PTPRD: variants seen among roughly 807,000 people sequenced by gnomAD.
PTPRD encodes the protein protein tyrosine phosphatase receptor type D.
A neutral mutation model predicts 214.5 loss-of-function variants in PTPRD; 34 were observed. The ratio of observed to expected loss-of-function variants is 0.16; its 90% CI spans 0.12 to 0.21. The LOEUF (loss-of-function observed/expected upper bound fraction) is 0.21. Among genes scored for constraint, PTPRD ranks in the 10% least tolerant of loss-of-function variants. PTPRD has a pLI of 1.00. For missense variants in PTPRD, 2,545 were observed against 2,398.7 expected, an observed-to-expected ratio of 1.06 and a Z score of -1.27; for synonymous variants, 1,128 against 845.7, an observed-to-expected ratio of 1.33 and a Z score of -5.79.
intron 21 of PTPRD, among the ~76,000 whole-genome samples, chr9:8,508,352 G>C (rs1202359870): frequency 2.0e-5 from 3 of 152,188 alleles, no homozygotes; most frequent in Non-Finnish European, 4.4e-5. Context: ...AAGCCTATCA[G>C]TTCCCCTCTA....
intron 11 of PTPRD, among the ~76,000 whole-genome samples, chr9:8,997,100 C>G (rs1373164858): frequency 6.6e-6 from 1 of 152,052 alleles, no homozygotes; most frequent in Non-Finnish European, 1.5e-5. Context: ...TGAAAAAGCT[C>G]AATGGCAGCA....
At chr9:8,459,206 G>A (rs535612198) in intron 33 of PTPRD, among the ~76,000 whole-genome samples, 1 of 149,734 alleles carries the variant, frequency 6.7e-6, no homozygotes, top group Non-Finnish European at 1.5e-5. Context: ...GTAGGAAAAA[G>A]AGTGAATGGA....
intron 9 of PTPRD, among the ~76,000 whole-genome samples, chr9:9,252,867 G>A (rs561626279): frequency 1.6e-4 from 25 of 152,010 alleles, no homozygotes; most frequent in African/African-American, 5.8e-4. Flanking sequence ...CCAATCACAC[G>A]CAAGAGTAGA....
chr9:10,610,465 G>C (rs967212881), intron 2 of PTPRD, among the ~76,000 whole-genome samples: 1 of 151,534 alleles, frequency 6.6e-6, no homozygotes, highest in African/African-American at 2.4e-5. Flanking sequence ...TGTTAAATTT[G>C]CCCTACTTAG....
intron 11 of PTPRD, among the ~76,000 whole-genome samples, chr9:8,835,784 C>T (rs1436831866): frequency 6.6e-6 from 1 of 152,186 alleles, no homozygotes; most frequent in Non-Finnish European, 1.5e-5. Context: ...GTGATCCTCC[C>T]TCCTCAGACT....
chr9:9,969,248 A>C (rs961172697), intron 4 of PTPRD, among the ~76,000 whole-genome samples: 2 of 152,178 alleles, frequency 1.3e-5, no homozygotes, highest in African/African-American at 4.8e-5. Flanking sequence ...GGGTGGCTGC[A>C]GCACAGTCTC....
At position 10,608,762 on chromosome 9, in the gene PTPRD, A is replaced by G. The variant is rs80071264; in HGVS notation, c.-600+3636T>C. Among the ~76,000 whole-genome samples the G allele has an allele frequency of 8.2e-4, 125 of 152,232 alleles. 2 individuals carry two copies. In the East Asian group the frequency reaches 0.023, roughly 28 times the overall value. ...CACATCAGTGTTCTCCTAACGGGTAATGTTCATTTTTTGATTCTTCATTAA... is the reference window on the plus strand; with the variant it reads ...CACATCAGTGTTCTCCTAACGGGTAGTGTTCATTTTTTGATTCTTCATTAA... On this transcript the variant is annotated intron_variant, in intron 2 of 45. Coordinates refer to ENST00000381196, the MANE Select transcript of PTPRD (RefSeq NM_002839.4).
intron 25 of PTPRD, 112 bp from the exon 26 acceptor site, chr9:8,497,380 C>T (rs2097300356): frequency 2.4e-6 from 2 of 830,898 alleles, no homozygotes; most frequent in Non-Finnish European, 3.6e-6. Context: ...AAAAATAAAG[C>T]AGTGTGTACA....
intron 14 of PTPRD, among the ~76,000 whole-genome samples, chr9:8,611,234 G>C (rs1259314064): frequency 1.3e-5 from 2 of 152,138 alleles, no homozygotes; most frequent in Non-Finnish European, 2.9e-5. Flanking sequence ...GAATATCAAA[G>C]TTAAATGAGC....
chr9:10,483,571 G>T (rs1456673827), intron 2 of PTPRD, among the ~76,000 whole-genome samples: 1 of 151,754 alleles, frequency 6.6e-6, no homozygotes, highest in African/African-American at 2.4e-5. Flanking sequence ...AAACAAATTA[G>T]CAAGCAAAAA....
chr9:9,341,651 T>C (rs539975209), intron 9 of PTPRD, among the ~76,000 whole-genome samples: 4 of 152,182 alleles, frequency 2.6e-5, no homozygotes, highest in African/African-American at 7.2e-5. Context: ...TACTTGACCT[T>C]AGACTAATCT....
intron 5 of PTPRD, among the ~76,000 whole-genome samples, chr9:9,874,776 A>C (rs1207579924): frequency 6.6e-6 from 1 of 152,192 alleles, no homozygotes; most frequent in Non-Finnish European, 1.5e-5. Flanking sequence ...TACTTGTGAA[A>C]TTCCTGTACA....
At chr9:9,384,806 G>A (rs1344115754) in intron 9 of PTPRD, among the ~76,000 whole-genome samples, 1 of 151,874 alleles carries the variant, frequency 6.6e-6, no homozygotes, top group Non-Finnish European at 1.5e-5. Flanking sequence ...GATTTTTAGT[G>A]ATATTTCTAT....
At chr9:9,466,875 C>G (rs1240670790) in intron 8 of PTPRD, among the ~76,000 whole-genome samples, 1 of 152,006 alleles carries the variant, frequency 6.6e-6, no homozygotes, top group African/African-American at 2.4e-5. Context: ...CTAATCTATA[C>G]TTTTTGTTCT....
intron 9 of PTPRD, among the ~76,000 whole-genome samples, chr9:9,359,686 C>G (rs554562109): frequency 6.6e-6 from 1 of 151,368 alleles, no homozygotes; most frequent in South Asian, 2.1e-4. Flanking sequence ...GAACTTGGTT[C>G]TAAGCTGATT....
chr9:9,219,331 A>G (rs2099954323), intron 9 of PTPRD, among the ~76,000 whole-genome samples: 1 of 152,080 alleles, frequency 6.6e-6, no homozygotes. Flanking sequence ...AAATAGGATT[A>G]TATTTCAGGG....
At chr9:9,581,896 A>C (rs2090888527) in intron 7 of PTPRD, among the ~76,000 whole-genome samples, 1 of 152,184 alleles carries the variant, frequency 6.6e-6, no homozygotes, top group Admixed American at 6.6e-5. Context: ...ACCAGCCACT[A>C]CTATACTATA....
At chr9:9,883,820 A>G (rs1196166629) in intron 5 of PTPRD, among the ~76,000 whole-genome samples, 1 of 152,138 alleles carries the variant, frequency 6.6e-6, no homozygotes, top group Non-Finnish European at 1.5e-5. Flanking sequence ...TCAATACCCA[A>G]GGGAAAACAA....
intron 8 of PTPRD, among the ~76,000 whole-genome samples, chr9:9,503,311 A>G (rs995625596): frequency 1.3e-5 from 2 of 149,612 alleles, no homozygotes; most frequent in Middle Eastern, 3.4e-3. Context: ...TCTTCTTGTT[A>G]TAGGTCTTGA....
Sources: allele counts gnomAD v4.1 joint callset (sites outside exome capture counted in the v4.1 genomes callset), GRCh38; gene constraint gnomAD v4.1.1; transcripts MANE v1.5; gene names NCBI Gene and HGNC (gene_info 2026-07-23, HGNC 2026-07-21).